Variants in ZNF804A observed in about 807,000 individuals in gnomAD.
ZNF804A encodes zinc finger protein 804A.
In ZNF804A, 2 loss-of-function variants were observed where a neutral mutation model predicts 16.5. The observed-to-expected ratio is 0.12, with a 90% CI of 0.05 to 0.38. ZNF804A has a LOEUF of 0.38. Ranked by LOEUF, ZNF804A falls within the 10% of genes least tolerant of loss-of-function variation. The pLI is 0.99. For missense variants in ZNF804A, 1,473 were observed against 1,390.7 expected (o/e 1.06, Z -0.94); for synonymous variants, 534 against 489.6 (o/e 1.09, Z -1.20).
At chr2:184,898,668 A>G (rs1367904750) in intron 2 of ZNF804A, among the ~76,000 whole-genome samples, 1 of 152,072 alleles carries the variant, frequency 6.6e-6, no homozygotes, top group Non-Finnish European at 1.5e-5. Context: ...GCTTATAAAG[A>G]TAGAACTTGA....
intron 1 of ZNF804A, among the ~76,000 whole-genome samples, chr2:184,795,664 T>C (rs1206934700): frequency 2.0e-5 from 3 of 151,998 alleles, no homozygotes; most frequent in African/African-American, 7.2e-5. Context: ...ATAAAATTGA[T>C]AGACCTTTAT....
Position 184,737,064 on chromosome 2 carries a change from GT to G in ZNF804A, c.112-129295del, listed in dbSNP as rs141482019. On this transcript the variant is annotated intron_variant, in intron 1 of 3. Coordinates refer to ENST00000302277, the MANE Select transcript of ZNF804A (RefSeq NM_194250.2). ...TACTACTTTTTTTTGTTTGTTTTTT[GT>G]TTTTTTTTTGAGATGGAATCTCACT... Among the ~76,000 whole-genome samples, 113 of 144,440 alleles carry G rather than the reference GT, an allele frequency of 7.8e-4. 1 individual carries two copies. Among genetic ancestry groups the G allele is most frequent in the Non-Finnish European group, 1.3e-3 (86 of 65,430 alleles). 94.8% of individuals were successfully genotyped at this position (144,440 alleles called of 152,430 possible). A position where few individuals can be genotyped will look rare whatever the true frequency, so the allele number is the denominator to read the frequency against.
intron 1 of ZNF804A, among the ~76,000 whole-genome samples, chr2:184,721,440 C>T (rs566221545): frequency 1.1e-4 from 17 of 151,946 alleles, no homozygotes; most frequent in Admixed American, 9.2e-4. Flanking sequence ...AGATATTTCT[C>T]AAAATAAGAC....
chr2:184,738,810 T>G (rs922123162), intron 1 of ZNF804A, among the ~76,000 whole-genome samples: 3 of 152,210 alleles, frequency 2.0e-5, no homozygotes, highest in Non-Finnish European at 4.4e-5. Flanking sequence ...ACAAGACGTC[T>G]ACAAAGCATA....
At chr2:184,877,826 G>A (rs1684733343) in intron 2 of ZNF804A, among the ~76,000 whole-genome samples, 1 of 151,844 alleles carries the variant, frequency 6.6e-6, no homozygotes, top group South Asian at 2.1e-4. Flanking sequence ...TGATACAGAA[G>A]AATAGTGAAG....
At chr2:184,906,574 T>C (rs1685278636) in intron 2 of ZNF804A, among the ~76,000 whole-genome samples, 1 of 152,132 alleles carries the variant, frequency 6.6e-6, no homozygotes, top group Admixed American at 6.6e-5. Context: ...GTGCTGGGAT[T>C]ATGGGCATGA....
intron 1 of ZNF804A, among the ~76,000 whole-genome samples, chr2:184,638,763 A>G (rs1306394826): frequency 6.6e-6 from 1 of 151,786 alleles, no homozygotes; most frequent in Non-Finnish European, 1.5e-5. Context: ...GCATGTTTCA[A>G]TGGTTTAAAA....
intron 1 of ZNF804A, among the ~76,000 whole-genome samples, chr2:184,669,332 A>T (rs1202527169): frequency 6.6e-6 from 1 of 152,020 alleles, no homozygotes; most frequent in Non-Finnish European, 1.5e-5. Flanking sequence ...GTGTATAATT[A>T]TTTGTTGTTT....
At chr2:184,896,721 G>C (rs1180787805) in intron 2 of ZNF804A, among the ~76,000 whole-genome samples, 4 of 151,800 alleles carry the variant, frequency 2.6e-5, no homozygotes, top group Admixed American at 1.3e-4. Flanking sequence ...TTTCTTGTTT[G>C]CTAGATTAGT....
At chr2:184,627,146 A>T (rs1691518713) in intron 1 of ZNF804A, among the ~76,000 whole-genome samples, 1 of 152,184 alleles carries the variant, frequency 6.6e-6, no homozygotes, top group African/African-American at 2.4e-5. Context: ...AATACCAGAG[A>T]AGGCTAAATA....
chr2:184,901,459 G>C (rs1295427261), intron 2 of ZNF804A, among the ~76,000 whole-genome samples: 1 of 152,162 alleles, frequency 6.6e-6, no homozygotes, highest in Non-Finnish European at 1.5e-5. Flanking sequence ...TTCTACATTA[G>C]TAATGACATG....
chr2:184,912,502 T>C (rs2105832629), intron 2 of ZNF804A, among the ~76,000 whole-genome samples: 1 of 152,226 alleles, frequency 6.6e-6, no homozygotes, highest in East Asian at 1.9e-4. Context: ...AGTAATTATA[T>C]GTTTAATTTT....
chr2:184,790,991 T>A (rs1694531255), intron 1 of ZNF804A, among the ~76,000 whole-genome samples: 1 of 152,210 alleles, frequency 6.6e-6, no homozygotes, highest in Admixed American at 6.5e-5. Context: ...TAAGAATGGC[T>A]ACTCCTGCTC....
chr2:184,799,913 G>T (rs1227674852), intron 1 of ZNF804A, among the ~76,000 whole-genome samples: 1 of 152,092 alleles, frequency 6.6e-6, no homozygotes, highest in Non-Finnish European at 1.5e-5. Context: ...TAAGTGTGGG[G>T]AGAATTTGTA....
chr2:184,886,101 TTCCTAG>T (rs1423617282), intron 2 of ZNF804A, among the ~76,000 whole-genome samples: 1 of 152,184 alleles, frequency 6.6e-6, no homozygotes, highest in Non-Finnish European at 1.5e-5. Context: ...AGCTAGTTTC[TTCCTAG>T]ATACAATGGA....
chr2:184,604,090 T>C (rs1262534880), intron 1 of ZNF804A, among the ~76,000 whole-genome samples: 1 of 150,442 alleles, frequency 6.6e-6, no homozygotes, highest in African/African-American at 2.4e-5. Context: ...AGCGATATAA[T>C]GTCTTGACTT....
chr2:184,763,662 T>A (rs1168630511), intron 1 of ZNF804A, among the ~76,000 whole-genome samples: 4 of 97,284 alleles, frequency 4.1e-5, no homozygotes, highest in Non-Finnish European at 4.2e-5. Flanking sequence ...TTTTTTTTTT[T>A]AGTGGAGTCT....
intron 1 of ZNF804A, among the ~76,000 whole-genome samples, chr2:184,736,164 T>C (rs1047089606): frequency 6.6e-6 from 1 of 152,156 alleles, no homozygotes; most frequent in Non-Finnish European, 1.5e-5. Flanking sequence ...TTAAGTTCTT[T>C]ATTGATTGCT....
intron 1 of ZNF804A, among the ~76,000 whole-genome samples, chr2:184,734,141 T>G (rs1693570890): frequency 6.6e-6 from 1 of 152,018 alleles, no homozygotes. Context: ...GTGGTCTGGT[T>G]GGTCATAGCT....
Sources: gnomAD v4.1 joint callset for allele counts (sites outside exome capture counted in the v4.1 genomes callset) on GRCh38, gnomAD v4.1.1 for gene constraint, MANE v1.5 for transcripts, NCBI Gene and HGNC (gene_info 2026-07-23, HGNC 2026-07-21) for gene names.